Variants in TMEFF2 observed in about 807,000 individuals in gnomAD.
The protein encoded by TMEFF2 is tomoregulin-2.
A neutral mutation model predicts 53.8 loss-of-function variants in TMEFF2; 28 were observed. The ratio of observed to expected loss-of-function variants is 0.52; its 90% CI spans 0.39 to 0.71. TMEFF2 has a LOEUF of 0.71. Ranked by LOEUF, TMEFF2 falls within the 30% of genes least tolerant of loss-of-function variation. The pLI is 0.00. For missense variants in TMEFF2, 353 were observed against 455.2 expected, an observed-to-expected ratio of 0.78 and a Z score of 2.04; for synonymous variants, 162 against 166.3, an observed-to-expected ratio of 0.97 and a Z score of 0.20.
chr2:192,010,157 C>T (rs1343007473), intron 5 of TMEFF2, among the ~76,000 whole-genome samples: 1 of 152,098 alleles, frequency 6.6e-6, no homozygotes, highest in East Asian at 1.9e-4. Context: ...TCTCTTTGTC[C>T]TCATCTTATG....
At chr2:191,983,792 GGT>G (rs1274459513) in intron 7 of TMEFF2, among the ~76,000 whole-genome samples, 1 of 152,146 alleles carries the variant, frequency 6.6e-6, no homozygotes, top group East Asian at 1.9e-4. Flanking sequence ...GGAAATAAGA[GGT>G]GAGATCATCT....
intron 1 of TMEFF2, among the ~76,000 whole-genome samples, chr2:192,193,779 G>T (rs867871381): frequency 7.8e-4 from 111 of 142,694 alleles, no homozygotes; most frequent in African/African-American, 2.7e-3. Flanking sequence ...GAGAGAGAGA[G>T]AGAGAGAGAG....
At chr2:192,175,240 A>T (rs185480043) in intron 4 of TMEFF2, among the ~76,000 whole-genome samples, 2 of 151,728 alleles carry the variant, frequency 1.3e-5, no homozygotes, top group South Asian at 2.1e-4. Context: ...GGATTTTTTT[A>T]AAATTATCTC....
At chr2:192,142,389 C>T (rs1480350664) in intron 4 of TMEFF2, among the ~76,000 whole-genome samples, 1 of 151,666 alleles carries the variant, frequency 6.6e-6, no homozygotes, top group East Asian at 1.9e-4. Context: ...TTATTCTAAA[C>T]CCATGAAGGA....
At position 191,949,647 on chromosome 2, in the gene TMEFF2, C is replaced by A. The variant is rs966801245; in HGVS notation, c.*664G>T. The A allele has an allele frequency of 6.1e-6, 6 of 985,194 alleles. No homozygotes were observed. The highest frequency in any genetic ancestry group is 1.7e-5 in the African/African-American group (1 of 57,216). The allele number at this position is 985,194 out of a possible 1,614,324, so 61.0% of individuals were successfully genotyped here. ...CTTCCCCAATAAAAACCAATATTTT[C>A]TTTCCCTCTCCTTTATGAGTTATAA... On this transcript the variant is annotated 3_prime_UTR_variant, in exon 10 of 10. Transcript: ENST00000272771.
chr2:192,017,186 C>G (rs1686762788), intron 5 of TMEFF2, among the ~76,000 whole-genome samples: 1 of 152,272 alleles, frequency 6.6e-6, no homozygotes, highest in South Asian at 2.1e-4. Context: ...TTCCCATGCA[C>G]TGGGGAGAGG....
intron 3 of TMEFF2, among the ~76,000 whole-genome samples, chr2:192,180,322 T>C (rs1691154503): frequency 6.6e-6 from 1 of 151,540 alleles, no homozygotes; most frequent in South Asian, 2.1e-4. Flanking sequence ...TCATACTTCC[T>C]CTTCTGGATT....
chr2:192,001,768 G>A (rs1479091947), intron 5 of TMEFF2, among the ~76,000 whole-genome samples: 1 of 151,920 alleles, frequency 6.6e-6, no homozygotes, highest in Non-Finnish European at 1.5e-5. Context: ...TTCACCTTCT[G>A]CCATGATTGT....
intron 7 of TMEFF2, among the ~76,000 whole-genome samples, chr2:191,983,391 C>CTTTTTTTTTT (rs11396477): frequency 6.9e-6 from 1 of 144,394 alleles, no homozygotes. Context: ...GCATCTTAGC[C>CTTTTTTTTTT]TTTTTTTTTT....
chr2:192,156,874 C>T (rs994817371), intron 4 of TMEFF2, among the ~76,000 whole-genome samples: 2 of 151,992 alleles, frequency 1.3e-5, no homozygotes, highest in Non-Finnish European at 2.9e-5. Context: ...TAAACTGTTC[C>T]TTTTAGAGAT....
intron 5 of TMEFF2, among the ~76,000 whole-genome samples, chr2:192,025,658 C>G (rs1013316142): frequency 6.6e-6 from 1 of 152,098 alleles, no homozygotes; most frequent in African/African-American, 2.4e-5. Flanking sequence ...TGTCTGGAAG[C>G]AATATGTTGA....
At position 192,192,002 on chromosome 2, in the gene TMEFF2, G is replaced by C. The variant is rs369750125; in HGVS notation, c.173-13C>G. The C allele has an allele frequency of 3.9e-4, 602 of 1,546,348 alleles. 4 individuals are homozygous for C. Among genetic ancestry groups the C allele is most frequent in the Admixed American group, 9.7e-4 (58 of 59,816 alleles). Reference sequence around the variant, plus strand: ...CTGTCATCATAACCTCAAATTCAAAGAGAACACTCCAGTCATTAAAACATC... The same window carrying C: ...CTGTCATCATAACCTCAAATTCAAACAGAACACTCCAGTCATTAAAACATC... On this transcript the variant is annotated splice_polypyrimidine_tract_variant and intron_variant, in intron 1 of 9. Transcript: ENST00000272771.
At chr2:192,119,553 C>A (rs1167438009) in intron 4 of TMEFF2, among the ~76,000 whole-genome samples, 1 of 152,148 alleles carries the variant, frequency 6.6e-6, no homozygotes, top group Non-Finnish European at 1.5e-5. Context: ...CCAATGACTT[C>A]CAATTGAAAG....
At chr2:192,013,273 C>T (rs1686672657) in intron 5 of TMEFF2, among the ~76,000 whole-genome samples, 1 of 152,114 alleles carries the variant, frequency 6.6e-6, no homozygotes, top group Non-Finnish European at 1.5e-5. Flanking sequence ...TAGACTTTTA[C>T]TGCTCCTCCA....
intron 5 of TMEFF2, among the ~76,000 whole-genome samples, chr2:192,029,551 G>A (rs938407741): frequency 3.9e-5 from 6 of 152,164 alleles, no homozygotes; most frequent in Non-Finnish European, 7.3e-5. Flanking sequence ...TGAGCATTTC[G>A]TGATGGAGGA....
chr2:191,956,923 C>T (rs1692118304), intron 7 of TMEFF2, among the ~76,000 whole-genome samples: 1 of 152,144 alleles, frequency 6.6e-6, no homozygotes, highest in South Asian at 2.1e-4. Context: ...CACTAGCATC[C>T]ACACATTTTT....
At chr2:192,161,020 G>A (rs1690620378) in intron 4 of TMEFF2, among the ~76,000 whole-genome samples, 1 of 152,052 alleles carries the variant, frequency 6.6e-6, no homozygotes, top group African/African-American at 2.4e-5. Context: ...AGAATTGCTA[G>A]ACAGTTGTGG....
At chr2:192,177,699 A>G (rs559124956) in intron 4 of TMEFF2, 207 of 151,224 alleles carry the variant, frequency 1.4e-3, no homozygotes, top group African/African-American at 4.8e-3. Context: ...AAAACAGAAA[A>G]AGAGAAAGAA....
At chr2:192,113,476 G>A (rs937580718) in intron 4 of TMEFF2, among the ~76,000 whole-genome samples, 3 of 152,120 alleles carry the variant, frequency 2.0e-5, no homozygotes, top group African/African-American at 7.2e-5. Context: ...TAAATAGATA[G>A]ATAGATTATA....
Sources: gnomAD v4.1 joint callset for allele counts (sites outside exome capture counted in the v4.1 genomes callset) on GRCh38, gnomAD v4.1.1 for gene constraint, MANE v1.5 for transcripts, NCBI Gene and HGNC (gene_info 2026-07-23, HGNC 2026-07-21) for gene names.